The following DNAJB1 variants were observed in gnomAD, a reference collection of about 807,000 sequenced individuals.
The protein encoded by DNAJB1 is DnaJ heat shock protein family (Hsp40) member B1, also known as dnaJ homolog subfamily B member 1.
A neutral mutation model predicts 24.0 loss-of-function variants in DNAJB1; 14 were observed. That is an observed-to-expected ratio of 0.58 (90% CI 0.39 to 0.91). The LOEUF (loss-of-function observed/expected upper bound fraction) is 0.91. DNAJB1 is among the 40% of genes least tolerant of loss of function. The pLI, the probability that DNAJB1 is intolerant of heterozygous loss-of-function variation, is 0.00. For synonymous variants in DNAJB1, 262 were observed against 174.4 expected (o/e 1.50, Z -3.96); for missense variants, 517 against 458.1 (o/e 1.13, Z -1.17).
intron 1 of DNAJB1, among the ~76,000 whole-genome samples, chr19:14,548,611 A>G (rs2073382528): frequency 6.6e-6 from 1 of 151,842 alleles, no homozygotes; most frequent in Admixed American, 6.6e-5. Flanking sequence ...GGAGTTTTGC[A>G]CTGTCGCCCA....
At chr19:14,552,997 C>T (rs572794650), upstream of DNAJB1, among the ~76,000 whole-genome samples, 92 of 152,128 alleles carry the variant, frequency 6.0e-4, no homozygotes, top group African/African-American at 2.1e-3. Context: ...AGGGCACAAC[C>T]GCAGGGATGG....
In DNAJB1 at chr19:14,518,276, C is replaced by T; in HGVS notation, c.74G>A (p.Arg25His). ...CGGGTGGTAGCGCAGCGCCTGGCGG[C>T]GGTAGGCCCGCTTGATCTCCTCGTC... Reference protein sequence around the residue: ...ASDEEIKRAYRRQALRYHPDK... With the variant: ...ASDEEIKRAYHRQALRYHPDK... The change falls in exon 1 of 3, where the codon CGC becomes CAC. Residue 25 changes from arginine to histidine, a missense_variant. Coordinates refer to ENST00000254322, the MANE Select transcript of DNAJB1 (RefSeq NM_006145.3). The T allele has an allele frequency of 6.2e-7, 1 of 1,609,520 alleles. No individual in the cohort carries two copies.
At chr19:14,525,491 A>G (rs1000277920) in intron 2 of DNAJB1, among the ~76,000 whole-genome samples, 26 of 152,242 alleles carry the variant, frequency 1.7e-4, no homozygotes, top group African/African-American at 5.8e-4. Flanking sequence ...ATAAAAAGGA[A>G]TGAGCTACGG....
At chr19:14,516,392 G>T in intron 2 of DNAJB1, 74 bp downstream of exon 2, 1 of 1,494,406 alleles carries the variant, frequency 6.7e-7, no homozygotes, top group Non-Finnish European at 9.1e-7. Flanking sequence ...CCAACACATT[G>T]GTTCAGCAAA....
intron 1 of DNAJB1, 31 bp downstream of exon 1, chr19:14,518,108 C>A: frequency 6.9e-7 from 1 of 1,443,178 alleles, no homozygotes; most frequent in South Asian, 1.4e-5. Context: ...TGTCAAAAGG[C>A]GGGGCCGCGC....
upstream of DNAJB1, chr19:14,531,249 C>T (rs2072644439): frequency 6.6e-6 from 1 of 151,276 alleles, no homozygotes; most frequent in South Asian, 2.1e-4. Flanking sequence ...GTTGACCAGG[C>T]TGGCCTCAAA....
exon 2 of DNAJB1, chr19:14,527,801 G>C (rs1437376982): frequency 6.6e-6 from 1 of 152,252 alleles, no homozygotes; most frequent in Non-Finnish European, 1.5e-5. Flanking sequence ...TGAAAGCTCA[G>C]GGGCAGGATC....
chr19:14,547,663 T>A (rs546987862), intron 1 of DNAJB1, among the ~76,000 whole-genome samples: 19 of 140,970 alleles, frequency 1.3e-4, no homozygotes, highest in Admixed American at 9.0e-4. Flanking sequence ...TACCTAATAT[T>A]TTTTTTTTTT....
At chr19:14,538,117 T>C (rs925779291) in intron 1 of DNAJB1, among the ~76,000 whole-genome samples, 1 of 152,176 alleles carries the variant, frequency 6.6e-6, no homozygotes, top group Non-Finnish European at 1.5e-5. Flanking sequence ...TGTTCTTATC[T>C]CTACTTGACT....
intron 1 of DNAJB1, chr19:14,517,411 G>C: frequency 4.7e-6 from 1 of 212,142 alleles, no homozygotes; most frequent in Admixed American, 5.5e-5. Flanking sequence ...AACGTTTTAG[G>C]GCTAATGGTG....
intron 1 of DNAJB1, among the ~76,000 whole-genome samples, chr19:14,542,699 G>A (rs1403222741): frequency 2.0e-5 from 3 of 152,120 alleles, no homozygotes; most frequent in South Asian, 2.1e-4. Context: ...CAGAGCATTT[G>A]TTCCTTATTC....
chr19:14,557,114 C>CTTATTTATTTAT (rs3050003), intron 1 of DNAJB1, among the ~76,000 whole-genome samples: 33,679 of 140,022 alleles, frequency 0.24, 4,453 homozygotes, highest in Non-Finnish European at 0.28. Context: ...TTGGTCTAAT[C>CTTATTTATTTAT]TTATTTATTT....
At chr19:14,529,403 T>C (rs144552831), upstream of DNAJB1, 107 of 575,726 alleles carry the variant, frequency 1.9e-4, no homozygotes, top group Non-Finnish European at 3.0e-4. Context: ...AAGCCCCTTC[T>C]CTTTAGCCCC....
chr19:14,526,666 A>G (rs1276307350), intron 2 of DNAJB1, among the ~76,000 whole-genome samples: 1 of 152,116 alleles, frequency 6.6e-6, no homozygotes, highest in African/African-American at 2.4e-5. Flanking sequence ...AATTTCCAAA[A>G]CGTTCTGAGT....
upstream of DNAJB1, among the ~76,000 whole-genome samples, chr19:14,554,740 C>T (rs2073657715): frequency 6.6e-6 from 1 of 152,112 alleles, no homozygotes; most frequent in African/African-American, 2.4e-5. Flanking sequence ...ACCCACTCTT[C>T]ACCTCCACAT....
upstream of DNAJB1, among the ~76,000 whole-genome samples, chr19:14,551,885 T>G (rs2146603435): frequency 1.3e-5 from 2 of 151,716 alleles, no homozygotes; most frequent in South Asian, 4.3e-4. Context: ...TCTTCCTCTT[T>G]TTCTTTCCTT....
In DNAJB1 at chr19:14,516,919, G is replaced by C. The variant is rs1207492505; in HGVS notation, c.339C>G (p.Asp113Glu). The C allele has an allele frequency of 6.2e-7, 1 of 1,614,038 alleles. No individual in the cohort carries two copies. Among genetic ancestry groups the C allele is most frequent in the Admixed American group, 1.7e-5 (1 of 60,014 alleles). Residue 113 changes from aspartate to glutamate, a missense_variant, in exon 2 of 3, where the codon GAC becomes GAG. Coordinates refer to ENST00000254322, the MANE Select transcript of DNAJB1 (RefSeq NM_006145.3). ...CCCCGTTCCGCTGCCCAAAAAAGGTGTCAAAGGGATTTCTGCCACCGAAGA... is the reference window on the plus strand; with the variant it reads ...CCCCGTTCCGCTGCCCAAAAAAGGTCTCAAAGGGATTTCTGCCACCGAAGA... The part of the protein sequence containing the change: ...AEFFGGRNPF[D>E]TFFGQRNGEE...
chr19:14,543,563 C>T (rs1250961845), intron 1 of DNAJB1, among the ~76,000 whole-genome samples: 2 of 144,520 alleles, frequency 1.4e-5, no homozygotes, highest in Non-Finnish European at 3.0e-5. Flanking sequence ...CTCAGCCTCC[C>T]GAGTAGCTGG....
rs558398911 is a variant in DNAJB1, at chr19:14,518,174, C to T, written c.176G>A (p.Arg59His). ...AEAYDVLSDPRKREIFDRYGE... is the reference protein window; with the variant it reads ...AEAYDVLSDPHKREIFDRYGE... ...GTAGCGGTCGAAGATCTCGCGCTTGCGCGGGTCGCTGAGCACGTCGTAGGC... is the reference window on the plus strand; with the variant it reads ...GTAGCGGTCGAAGATCTCGCGCTTGTGCGGGTCGCTGAGCACGTCGTAGGC... Residue 59 changes from arginine (R) to histidine (H), a missense_variant, in exon 1 of 3, where the codon CGC (arginine) becomes CAC (histidine). Transcript: ENST00000254322. 7.6e-6 allele frequency: 12 copies of T among 1,589,210 alleles called. No individual in the cohort carries two copies. Among genetic ancestry groups the T allele is most frequent in the Middle Eastern group, 1.7e-4 (1 of 5,964 alleles).
Sources: allele counts gnomAD v4.1 joint callset (sites outside exome capture counted in the v4.1 genomes callset), GRCh38; gene constraint gnomAD v4.1.1; transcripts MANE v1.5; gene names NCBI Gene and HGNC (gene_info 2026-07-23, HGNC 2026-07-21).